The following MBTD1 variants were observed in gnomAD, a reference collection of about 807,000 sequenced individuals.
MBTD1 encodes mbt domain containing 1.
In MBTD1, 24 loss-of-function variants were observed where a neutral mutation model predicts 87.8. The ratio of observed to expected loss-of-function variants is 0.27; its 90% CI spans 0.20 to 0.38. MBTD1 has a LOEUF of 0.38. Ranked by LOEUF, MBTD1 falls within the 10% of genes least tolerant of loss-of-function variation. The probability of loss-of-function intolerance (pLI) is 1.00; values close to 1 mark genes in which losing one functional copy is unlikely to be tolerated. For synonymous variants in MBTD1, 237 were observed against 248.6 expected, an observed-to-expected ratio of 0.95 and a Z score of 0.44; for missense variants, 436 against 760.2, an observed-to-expected ratio of 0.57 and a Z score of 5.02.
At chr17:51,182,472 G>A (rs1041966770) in intron 16 of MBTD1, among the ~76,000 whole-genome samples, 2 of 152,070 alleles carry the variant, frequency 1.3e-5, no homozygotes, top group Non-Finnish European at 2.9e-5. Context: ...TGAATATTTC[G>A]ATACAAGAGA....
At chr17:51,245,146 C>T (rs1450103984) in intron 2 of MBTD1, among the ~76,000 whole-genome samples, 4 of 152,110 alleles carry the variant, frequency 2.6e-5, no homozygotes, top group Admixed American at 6.5e-5. Context: ...GTGATCTGCT[C>T]GCCTCAGCCT....
At chr17:51,238,565 T>C (rs530965587) in intron 2 of MBTD1, among the ~76,000 whole-genome samples, 3 of 152,226 alleles carry the variant, frequency 2.0e-5, no homozygotes, top group Admixed American at 6.5e-5. Context: ...AGATGGATGA[T>C]GGCTCTGGAA....
intron 2 of MBTD1, among the ~76,000 whole-genome samples, chr17:51,247,947 T>C (rs1394962668): frequency 6.6e-6 from 1 of 152,248 alleles, no homozygotes; most frequent in Non-Finnish European, 1.5e-5. Context: ...AGGTCAATTT[T>C]ATTAAACTGT....
At chr17:51,209,321 ACT>A (rs1044857658) in intron 6 of MBTD1, 5 of 469,690 alleles carry the variant, frequency 1.1e-5, no homozygotes, top group African/African-American at 1.0e-4. Context: ...TACCTTCCAG[ACT>A]CAGGACGCGA....
chr17:51,177,945 T>C lies in MBTD1; in HGVS notation c.*2631A>G, dbSNP rs574070856. 4.4e-4 allele frequency: 67 copies of C among 151,948 alleles called. No individual in the cohort carries two copies. Among genetic ancestry groups the C allele is most frequent in the African/African-American group, 1.4e-3 (60 of 41,456 alleles). The allele number at this position is 151,948 out of a possible 1,614,324, so 9.4% of individuals were successfully genotyped here. ...GAGAGGGTATTCACATCACGCAAAATTAATAATAATAATAAAAACAAACAA... is the reference window on the plus strand; with the variant it reads ...GAGAGGGTATTCACATCACGCAAAACTAATAATAATAATAAAAACAAACAA... On this transcript the variant is annotated 3_prime_UTR_variant, in exon 17 of 17. Coordinates refer to ENST00000586178, the MANE Select transcript of MBTD1 (RefSeq NM_017643.3).
intron 3 of MBTD1, among the ~76,000 whole-genome samples, chr17:51,222,427 C>T (rs1016762139): frequency 6.6e-6 from 1 of 151,946 alleles, no homozygotes; most frequent in Admixed American, 6.6e-5. Flanking sequence ...TTTTTTGAGA[C>T]ACAGTCTCGC....
At chr17:51,220,915 G>T (rs1052583277) in intron 3 of MBTD1, among the ~76,000 whole-genome samples, 1 of 152,166 alleles carries the variant, frequency 6.6e-6, no homozygotes, top group African/African-American at 2.4e-5. Context: ...CTTAAAAAGA[G>T]GTAATACTTG....
At chr17:51,201,859 TTAAGAA>T (rs1470811672) in intron 11 of MBTD1, among the ~76,000 whole-genome samples, 157 bp downstream of exon 11, 1 of 152,178 alleles carries the variant, frequency 6.6e-6, no homozygotes, top group Non-Finnish European at 1.5e-5. Flanking sequence ...CAAATAGAAT[TTAAGAA>T]TAATTATAAT....
intron 2 of MBTD1, among the ~76,000 whole-genome samples, chr17:51,255,239 C>T (rs184976573): frequency 6.6e-6 from 1 of 152,022 alleles, no homozygotes. Context: ...CGAGCTCATG[C>T]CACTGCACTC....
chr17:51,204,134 T>G (rs1016795495), intron 7 of MBTD1, among the ~76,000 whole-genome samples: 3 of 152,232 alleles, frequency 2.0e-5, no homozygotes, highest in African/African-American at 7.2e-5. Context: ...TAACAAGTCC[T>G]CAGGTGATGC....
intron 12 of MBTD1, among the ~76,000 whole-genome samples, chr17:51,200,653 C>T (rs1251078491): frequency 6.6e-6 from 1 of 151,264 alleles, no homozygotes; most frequent in African/African-American, 2.4e-5. Context: ...TACTTGAGTC[C>T]AGGAATTCGA....
chr17:51,184,249 T>C (rs1053160940), intron 16 of MBTD1: 27 of 152,228 alleles, frequency 1.8e-4, no homozygotes, highest in African/African-American at 5.5e-4. Context: ...CAATAAATGA[T>C]GGATGAAATA....
chr17:51,213,118 A>G (rs1255557809), intron 6 of MBTD1, among the ~76,000 whole-genome samples: 4 of 152,182 alleles, frequency 2.6e-5, no homozygotes, highest in Non-Finnish European at 1.5e-5. Flanking sequence ...GGCTAACTGC[A>G]GCCCTGACCT....
At chr17:51,213,820 G>GC (rs1198615087) in intron 6 of MBTD1, among the ~76,000 whole-genome samples, 1 of 152,024 alleles carries the variant, frequency 6.6e-6, no homozygotes, top group Non-Finnish European at 1.5e-5. Flanking sequence ...CCCCATCTCT[G>GC]CCAGAACAAT....
At chr17:51,202,626 G>T in intron 10 of MBTD1, 75 bp downstream of exon 10, 1 of 1,098,378 alleles carries the variant, frequency 9.1e-7, no homozygotes, top group Non-Finnish European at 1.4e-6. Flanking sequence ...ATGCAATTCT[G>T]CAGAGAAAAA....
chr17:51,182,193 C>T (rs1265434835), intron 16 of MBTD1, among the ~76,000 whole-genome samples: 1 of 149,872 alleles, frequency 6.7e-6, no homozygotes, highest in Non-Finnish European at 1.5e-5. Flanking sequence ...GGCATGATCT[C>T]AACTTACTGC....
chr17:51,223,832 T>TCAA (rs375325096), intron 3 of MBTD1, among the ~76,000 whole-genome samples: 5 of 152,052 alleles, frequency 3.3e-5, no homozygotes, highest in African/African-American at 9.7e-5. Context: ...TGAGACTGTC[T>TCAA]CAACAACAAC....
chr17:51,258,125 A>G (rs752706844), intron 2 of MBTD1, among the ~76,000 whole-genome samples: 14 of 152,212 alleles, frequency 9.2e-5, no homozygotes, highest in Non-Finnish European at 1.8e-4. Flanking sequence ...TCTCTAAGTT[A>G]TAAGAGGAGG....
intron 2 of MBTD1, among the ~76,000 whole-genome samples, chr17:51,236,772 GA>G (rs34703362): frequency 0.62 from 93,179 of 150,674 alleles, 29,137 homozygotes; most frequent in African/African-American, 0.72. Context: ...ATTTAGTGGA[GA>G]AAAAAAAAAT....
Sources: allele counts gnomAD v4.1 joint callset (sites outside exome capture counted in the v4.1 genomes callset), GRCh38; gene constraint gnomAD v4.1.1; transcripts MANE v1.5; gene names NCBI Gene and HGNC (gene_info 2026-07-23, HGNC 2026-07-21).